CPQ: variants seen among roughly 807,000 people sequenced by gnomAD.
The protein encoded by CPQ is carboxypeptidase Q.
Under a neutral mutation model 45.7 loss-of-function variants are expected in CPQ, and 37 were observed. That is an observed-to-expected ratio of 0.81 (90% confidence interval 0.62 to 1.07). The LOEUF is 1.07. Among genes scored for constraint, CPQ ranks in the 50% least tolerant of loss-of-function variants. The pLI, the probability that CPQ is intolerant of heterozygous loss-of-function variation, is 0.00. For synonymous variants in CPQ, 186 were observed against 205.8 expected (o/e 0.90, Z 0.82); for missense variants, 537 against 572.9 (o/e 0.94, Z 0.64).
intron 5 of CPQ, among the ~76,000 whole-genome samples, chr8:96,976,262 A>G (rs1422614575): frequency 6.6e-6 from 1 of 150,962 alleles, no homozygotes; most frequent in Non-Finnish European, 1.5e-5. Flanking sequence ...AAAAAAAAAA[A>G]AAAAAAAAAA....
intron 4 of CPQ, among the ~76,000 whole-genome samples, chr8:96,883,085 T>C (rs995504365): frequency 4.6e-5 from 7 of 152,220 alleles, no homozygotes; most frequent in Non-Finnish European, 1.0e-4. Context: ...TTGAGATGTA[T>C]CCATGTTGTT....
chr8:97,034,434 A>G (rs1281119718), intron 6 of CPQ, among the ~76,000 whole-genome samples: 1 of 152,144 alleles, frequency 6.6e-6, no homozygotes, highest in African/African-American at 2.4e-5. Context: ...CCTTTTCACC[A>G]TGTCTTTGAT....
intron 1 of CPQ, among the ~76,000 whole-genome samples, chr8:96,699,930 C>T (rs566030234): frequency 1.3e-5 from 2 of 152,158 alleles, no homozygotes; most frequent in Non-Finnish European, 2.9e-5. Context: ...GACATTGTTA[C>T]ATTTGTGAGT....
intron 2 of CPQ, among the ~76,000 whole-genome samples, chr8:96,793,914 C>T (rs1810887205): frequency 6.6e-6 from 1 of 152,220 alleles, no homozygotes; most frequent in Non-Finnish European, 1.5e-5. Context: ...CCATGTCTCA[C>T]ATCTAGGTCA....
intron 4 of CPQ, among the ~76,000 whole-genome samples, chr8:96,952,666 T>C (rs1813285820): frequency 6.6e-6 from 1 of 152,106 alleles, no homozygotes; most frequent in Admixed American, 6.6e-5. Context: ...AAAAGTCTTA[T>C]TTAGAAATGT....
intron 3 of CPQ, among the ~76,000 whole-genome samples, chr8:96,842,999 G>A (rs551455579): frequency 1.1e-4 from 16 of 152,196 alleles, no homozygotes; most frequent in East Asian, 9.7e-4. Flanking sequence ...TCCGCCTCCC[G>A]GGTTCAAGCG....
intron 6 of CPQ, among the ~76,000 whole-genome samples, chr8:97,035,769 G>A (rs1267648958): frequency 1.3e-5 from 2 of 151,966 alleles, no homozygotes; most frequent in African/African-American, 2.4e-5. Flanking sequence ...GTGCAGTGGC[G>A]CGATCTCGGC....
chr8:96,659,804 A>G (rs905697241), intron 1 of CPQ, among the ~76,000 whole-genome samples: 4 of 152,200 alleles, frequency 2.6e-5, no homozygotes, highest in Admixed American at 6.5e-5. Context: ...AGAATTAGTA[A>G]GTCGCCAAGG....
chr8:96,952,521 T>C (rs879810937), intron 4 of CPQ, among the ~76,000 whole-genome samples: 1 of 152,078 alleles, frequency 6.6e-6, no homozygotes, highest in Non-Finnish European at 1.5e-5. Context: ...AAAAAATGTA[T>C]AGGATATATC....
intron 1 of CPQ, among the ~76,000 whole-genome samples, chr8:96,737,355 G>GAGATATATATATATATATATAT (rs1554561433): frequency 1.7e-5 from 2 of 118,006 alleles, no homozygotes; most frequent in Non-Finnish European, 3.5e-5. Flanking sequence ...ACTAATAGGA[G>GAGATATATATATATATATATAT]ATATATATAT....
chr8:96,716,506 A>G (rs1809673843), intron 1 of CPQ, among the ~76,000 whole-genome samples: 1 of 152,134 alleles, frequency 6.6e-6, no homozygotes, highest in Non-Finnish European at 1.5e-5. Flanking sequence ...GGAGTTCCCA[A>G]AGTCCACTAT....
intron 2 of CPQ, among the ~76,000 whole-genome samples, chr8:96,789,247 A>G (rs1810814952): frequency 6.6e-6 from 1 of 152,076 alleles, no homozygotes; most frequent in African/African-American, 2.4e-5. Flanking sequence ...CTGAATATTT[A>G]AAATAATAAT....
At chr8:97,012,831 G>A (rs1809513510) in intron 5 of CPQ, among the ~76,000 whole-genome samples, 1 of 152,148 alleles carries the variant, frequency 6.6e-6, no homozygotes, top group Non-Finnish European at 1.5e-5. Context: ...GTGAACCACT[G>A]AAATTTCATG....
chr8:97,096,375 A>G (rs1811210605), intron 7 of CPQ, among the ~76,000 whole-genome samples: 1 of 152,174 alleles, frequency 6.6e-6, no homozygotes, highest in Non-Finnish European at 1.5e-5. Context: ...TATTTGTTAC[A>G]TGTCTACTTT....
At chr8:96,732,648 T>C (rs556312706) in intron 1 of CPQ, among the ~76,000 whole-genome samples, 1 of 152,262 alleles carries the variant, frequency 6.6e-6, no homozygotes, top group Non-Finnish European at 1.5e-5. Context: ...AAGATGCTTA[T>C]TTGGGATCAT....
chr8:97,116,277 C>T (rs1252919990), intron 7 of CPQ, among the ~76,000 whole-genome samples: 1 of 152,142 alleles, frequency 6.6e-6, no homozygotes, highest in Admixed American at 6.5e-5. Flanking sequence ...TTCCTCAGGA[C>T]AGTGTGACAG....
chr8:96,912,620 T>C (rs986600262), intron 4 of CPQ, among the ~76,000 whole-genome samples: 9 of 152,236 alleles, frequency 5.9e-5, no homozygotes, highest in African/African-American at 2.2e-4. Context: ...ATATAGGTTT[T>C]CTTCAGAGTT....
chr8:96,840,551 G>A (rs927004386), intron 3 of CPQ, among the ~76,000 whole-genome samples: 1 of 152,144 alleles, frequency 6.6e-6, no homozygotes, highest in Non-Finnish European at 1.5e-5. Context: ...GGTTTAACAA[G>A]CCCTCCAGGT....
At chr8:97,052,276 C>G (rs1396641028) in intron 6 of CPQ, among the ~76,000 whole-genome samples, 1 of 152,168 alleles carries the variant, frequency 6.6e-6, no homozygotes, top group African/African-American at 2.4e-5. Flanking sequence ...TCCTTAGCCT[C>G]TCTTTATCTA....
Sources: allele counts gnomAD v4.1 joint callset (sites outside exome capture counted in the v4.1 genomes callset), GRCh38; gene constraint gnomAD v4.1.1; transcripts MANE v1.5; gene names NCBI Gene and HGNC (gene_info 2026-07-23, HGNC 2026-07-21).